The following CPS1 variants were observed in gnomAD, a reference collection of about 807,000 sequenced individuals.
CPS1 encodes carbamoyl-phosphate synthase 1.
In CPS1, 109 loss-of-function variants were observed where a neutral mutation model predicts 174.6. That is an observed-to-expected ratio of 0.62 (90% confidence interval 0.53 to 0.73). The LOEUF is 0.73. Among genes scored for constraint, CPS1 ranks in the 30% least tolerant of loss-of-function variants. CPS1 has a pLI of 0.00. For synonymous variants in CPS1, 637 were observed against 632.0 expected (o/e 1.01, Z -0.12); for missense variants, 1,689 against 1,821.9 (o/e 0.93, Z 1.33).
intron 28 of CPS1, 57 bp from the exon 29 acceptor site, chr2:210,653,968 A>C: frequency 3.0e-6 from 4 of 1,338,446 alleles, no homozygotes; most frequent in Non-Finnish European, 3.2e-6. Flanking sequence ...TGGCTTATTG[A>C]CACTATATAC....
intron 1 of CPS1, among the ~76,000 whole-genome samples, chr2:210,561,376 C>T (rs1559077196): frequency 6.6e-6 from 1 of 152,156 alleles, no homozygotes. Flanking sequence ...TAGTACTAAT[C>T]TTGACCTGTG....
intron 1 of CPS1, among the ~76,000 whole-genome samples, chr2:210,486,581 G>T (rs1341940680): frequency 6.6e-6 from 1 of 152,188 alleles, no homozygotes; most frequent in Non-Finnish European, 1.5e-5. Context: ...TGCGATCGCG[G>T]CTTACCGCAA....
intron 5 of CPS1, among the ~76,000 whole-genome samples, chr2:210,582,122 T>C (rs1398669569): frequency 1.3e-5 from 2 of 152,206 alleles, no homozygotes; most frequent in Non-Finnish European, 2.9e-5. Context: ...TATTTTCATT[T>C]CAAATTCTAG....
chr2:210,480,547 A>G (rs895726079), intron 1 of CPS1, among the ~76,000 whole-genome samples: 1 of 151,908 alleles, frequency 6.6e-6, no homozygotes, highest in East Asian at 1.9e-4. Context: ...GTTTCTTCCT[A>G]CCTATTCCCT....
At chr2:210,511,512 C>T (rs1306023996) in intron 1 of CPS1, among the ~76,000 whole-genome samples, 1 of 146,056 alleles carries the variant, frequency 6.8e-6, no homozygotes, top group Non-Finnish European at 1.5e-5. Context: ...TGCACATGTA[C>T]CCTCAAACTT....
chr2:210,597,831 T>TATATATATATATATATATATATATATAC (rs1208001280), intron 13 of CPS1, among the ~76,000 whole-genome samples: 2 of 151,230 alleles, frequency 1.3e-5, no homozygotes, highest in Middle Eastern at 3.2e-3. Flanking sequence ...TTCATATATA[T>TATATATATATATATATATATATATATAC]ACACACACAC....
intron 13 of CPS1, among the ~76,000 whole-genome samples, chr2:210,597,901 T>G (rs1174057839): frequency 6.6e-6 from 1 of 151,732 alleles, no homozygotes; most frequent in Non-Finnish European, 1.5e-5. Flanking sequence ...ACCATATGGT[T>G]TTTTAAATAT....
intron 1 of CPS1, among the ~76,000 whole-genome samples, chr2:210,480,154 A>G (rs1475402751): frequency 2.6e-5 from 4 of 152,158 alleles, no homozygotes; most frequent in Non-Finnish European, 4.4e-5. Context: ...CACCTCCCTC[A>G]GAGTGTGATG....
At chr2:210,584,164 G>T (rs1159995763) in intron 6 of CPS1, among the ~76,000 whole-genome samples, 1 of 152,094 alleles carries the variant, frequency 6.6e-6, no homozygotes, top group Non-Finnish European at 1.5e-5. Context: ...TACAATGGGA[G>T]TTAAAAATAG....
At chr2:210,579,074 A>G (rs1697814011) in intron 4 of CPS1, among the ~76,000 whole-genome samples, 1 of 152,134 alleles carries the variant, frequency 6.6e-6, no homozygotes, top group South Asian at 2.1e-4. Flanking sequence ...TTCTCAGATA[A>G]TTAGTGGAAG....
intron 1 of CPS1, among the ~76,000 whole-genome samples, chr2:210,567,539 G>T (rs925054930): frequency 2.0e-5 from 3 of 152,140 alleles, no homozygotes; most frequent in Non-Finnish European, 2.9e-5. Context: ...AAAAGAGAAT[G>T]TTTGGGTTAT....
Position 210,592,766 on chromosome 2 carries a change from A to G in CPS1, c.1087-113A>G. ...TACTGTTAGTTACAAAAATTTTGTT[A>G]AGCATCTAACTCAGTTTTTAAATTT... On this transcript the variant is annotated intron_variant, in intron 10 of 37. Coordinates refer to ENST00000233072, the MANE Select transcript of CPS1 (RefSeq NM_001875.5). 4 of 1,009,594 alleles carry G rather than the reference A, an allele frequency of 4.0e-6. No homozygotes were observed. In the Admixed American group the frequency reaches 5.2e-5, roughly 13 times the overall value. 62.5% of individuals were successfully genotyped at this position (1,009,594 alleles called of 1,614,324 possible).
intron 1 of CPS1, among the ~76,000 whole-genome samples, chr2:210,481,543 T>C (rs1390234265): frequency 1.3e-5 from 2 of 152,256 alleles, no homozygotes; most frequent in African/African-American, 4.8e-5. Context: ...TGATGTGTTC[T>C]TTTGGCATAT....
chr2:210,642,705 A>G (rs1406293079), intron 25 of CPS1, 40 bp downstream of exon 25: 5 of 1,554,192 alleles, frequency 3.2e-6, no homozygotes, highest in Non-Finnish European at 3.5e-6. Context: ...AAAAGAAGAC[A>G]GATATATGTA....
At chr2:210,636,066 T>C (rs1234156263) in intron 21 of CPS1, among the ~76,000 whole-genome samples, 1 of 152,198 alleles carries the variant, frequency 6.6e-6, no homozygotes, top group African/African-American at 2.4e-5. Context: ...TTCATGAAAA[T>C]GTTTTCTTAA....
Position 210,647,787 on chromosome 2 carries a change from T to C in CPS1, c.3142-76T>C, listed in dbSNP as rs375556499. 78 of 1,491,328 alleles carry C rather than the reference T, an allele frequency of 5.2e-5. No homozygotes were observed. The East Asian group carries it at 1.6e-3, about 30-fold the overall frequency. The allele number at this position is 1,491,328 out of a possible 1,614,324, so 92.4% of individuals were successfully genotyped here. A position where few individuals can be genotyped will look rare whatever the true frequency, so the allele number is the denominator to read the frequency against. On this transcript the variant is annotated intron_variant, in intron 25 of 37. Transcript: ENST00000233072. ...AGGTTAAGAATTATCAGTAAGGAAA[T>C]AGACACAATATTAGCATAGTTGTCC...
rs1696925949 is a variant in CPS1 at position 210,556,766 on chromosome 2, G to A, written c.33G>A (p.Val11=). The A allele has an allele frequency of 6.2e-7, 1 of 1,613,064 alleles. No homozygotes were observed. The highest frequency in any genetic ancestry group is 8.5e-7 in the Non-Finnish European group (1 of 1,179,322). Residue 11 remains valine, a synonymous_variant, in exon 1 of 38, where the codon GTG becomes GTA. Coordinates refer to ENST00000233072, the MANE Select transcript of CPS1 (RefSeq NM_001875.5). MTRILTAFKV[V]RTLKTGFGFT... ...GGATTTTGACAGCTTTCAAAGTGGTGAGGACACTGAAGACTGGTTTTGGCT... is the reference window on the plus strand; with the variant it reads ...GGATTTTGACAGCTTTCAAAGTGGTAAGGACACTGAAGACTGGTTTTGGCT...
chr2:210,549,081 A>G (rs1696647357), intron 1 of CPS1, among the ~76,000 whole-genome samples: 1 of 152,000 alleles, frequency 6.6e-6, no homozygotes, highest in Admixed American at 6.6e-5. Flanking sequence ...GAAGTCGGTA[A>G]CTTCAAGACA....
At chr2:210,659,898 TTG>T (rs1279527941) in intron 31 of CPS1, among the ~76,000 whole-genome samples, 1 of 152,166 alleles carries the variant, frequency 6.6e-6, no homozygotes, top group African/African-American at 2.4e-5. Flanking sequence ...AAGGTAGATT[TTG>T]TATTGTGAAC....
Sources: gnomAD v4.1 joint callset for allele counts (sites outside exome capture counted in the v4.1 genomes callset) on GRCh38, gnomAD v4.1.1 for gene constraint, MANE v1.5 for transcripts, NCBI Gene and HGNC (gene_info 2026-07-23, HGNC 2026-07-21) for gene names.